ITIH3: variants seen among roughly 807,000 people sequenced by gnomAD.
ITIH3 encodes the protein inter-alpha-trypsin inhibitor heavy chain 3.
Under a neutral mutation model 96.5 loss-of-function variants are expected in ITIH3, and 81 were observed. The ratio of observed to expected loss-of-function variants is 0.84; its 90% CI spans 0.70 to 1.01. The LOEUF is 1.01. Among genes scored for constraint, ITIH3 ranks in the 50% least tolerant of loss-of-function variants. ITIH3 has a pLI of 0.00. For synonymous variants in ITIH3, 422 were observed against 445.2 expected, an observed-to-expected ratio of 0.95 and a Z score of 0.66; for missense variants, 1,057 against 1,139.3, an observed-to-expected ratio of 0.93 and a Z score of 1.04.
Position 52,803,884 on chromosome 3 carries a change from A to G in ITIH3, c.1739A>G (p.Asn580Ser). 1 of 1,613,952 alleles carries G rather than the reference A, an allele frequency of 6.2e-7. No homozygotes were observed. Among genetic ancestry groups the G allele is most frequent in the Non-Finnish European group, 8.5e-7 (1 of 1,179,870 alleles). Residue 580 changes from asparagine (N) to serine (S), a missense_variant, in exon 14 of 22, where the codon AAC (asparagine) becomes AGC (serine). By Grantham distance (46) the Asn-to-Ser change is conservative. Coordinates refer to ENST00000449956, the MANE Select transcript of ITIH3 (RefSeq NM_002217.4). ...RKNAHGEEKE[N>S]LTARALDLSL... Reference sequence around the variant, plus strand: ...AACGCCCATGGCGAGGAGAAGGAGAACCTCACGGCCCGGGCCCTGGACCTG... The same window carrying G: ...AACGCCCATGGCGAGGAGAAGGAGAGCCTCACGGCCCGGGCCCTGGACCTG...
intron 7 of ITIH3, 122 bp from the exon 8 acceptor site, chr3:52,799,249 CT>C: frequency 7.6e-6 from 9 of 1,180,598 alleles, no homozygotes; most frequent in Non-Finnish European, 9.6e-6. Flanking sequence ...GCAGCACCCC[CT>C]AGAGGGTGGG....
In ITIH3 at chr3:52,802,448, G is replaced by C; in HGVS notation, c.1498G>C (p.Glu500Gln). 6.2e-7 allele frequency: 1 copy of C among 1,613,996 alleles called. No homozygotes were observed. The highest frequency in any genetic ancestry group is 1.1e-5 in the South Asian group (1 of 91,080). Residue 500 changes from glutamate to glutamine, a missense_variant, in exon 12 of 22, where the codon GAG becomes CAG. Physicochemically the swap from Glu to Gln is conservative, Grantham distance 29. Transcript: ENST00000449956. ...TTACCAGCACTTCTACGATGGCTCT[G>C]AGATCGTGGTGGCCGGGCGCCTGGT... Reference protein sequence around the residue: ...NTYQHFYDGSEIVVAGRLVDE... With the variant: ...NTYQHFYDGSQIVVAGRLVDE...
intron 11 of ITIH3, 133 bp from the exon 12 acceptor site, chr3:52,802,201 G>A (rs740920): frequency 0.047 from 41,612 of 888,128 alleles, 1,178 homozygotes; most frequent in Non-Finnish European, 0.056. Context: ...ACTGAAGGAC[G>A]CAGTCAGGGA....
At chr3:52,798,237 A>G (rs1699671751) in intron 6 of ITIH3, among the ~76,000 whole-genome samples, 1 of 152,216 alleles carries the variant, frequency 6.6e-6, no homozygotes, top group Non-Finnish European at 1.5e-5. Flanking sequence ...CTGAAGCCCA[A>G]GGGAGTCATT....
At chr3:52,795,955 A>G in intron 2 of ITIH3, 2 of 333,154 alleles carry the variant, frequency 6.0e-6, no homozygotes, top group Non-Finnish European at 1.1e-5. Context: ...CCCTAGGGGG[A>G]GGGGGCTGGA....
In ITIH3 at chr3:52,803,897, G is replaced by A; in HGVS notation, c.1752G>A (p.Arg584=). ...HGEEKENLTA[R]ALDLSLKYHF... ...AGGAGAAGGAGAACCTCACGGCCCGGGCCCTGGACCTGTCCCTCAAGTATC... is the reference window on the plus strand; with the variant it reads ...AGGAGAAGGAGAACCTCACGGCCCGAGCCCTGGACCTGTCCCTCAAGTATC... The change falls in exon 14 of 22, where the codon CGG becomes CGA. Residue 584 remains arginine (R), a synonymous_variant. Coordinates refer to ENST00000449956, the MANE Select transcript of ITIH3 (RefSeq NM_002217.4). 6.2e-7 allele frequency: 1 copy of A among 1,614,024 alleles called. No homozygotes were observed.
rs1699604893 is a variant in ITIH3, at chr3:52,796,818, C to T, written c.361C>T (p.Gln121Ter). The change falls in exon 4 of 22, where the codon CAG becomes TAG. Residue 121 changes from glutamine to a stop codon, truncating the protein, a stop_gained. Transcript: ENST00000449956. LOFTEE classifies it high-confidence loss of function. ...GAAGCAGTATGAAAAGGCTGTGTCC[C>T]AGGGCAAGACGGCCGGCTTGGTCAA... Reference protein sequence around the residue: ...AKKQYEKAVSQGKTAGLVKAS... With the variant: ...AKKQYEKAVS 1.9e-6 allele frequency: 3 copies of T among 1,611,128 alleles called. No homozygotes were observed. Among genetic ancestry groups the T allele is most frequent in the Non-Finnish European group, 2.5e-6 (3 of 1,178,770 alleles).
intron 2 of ITIH3, chr3:52,795,940 T>C (rs542372423): frequency 2.6e-6 from 1 of 380,014 alleles, no homozygotes; most frequent in South Asian, 5.2e-5. Flanking sequence ...GAAGCATCTT[T>C]ATATCCCTAG....
chr3:52,801,277 T>G, intron 11 of ITIH3, 131 bp downstream of exon 11: 83 of 741,488 alleles, frequency 1.1e-4, no homozygotes, highest in Non-Finnish European at 1.5e-4. Flanking sequence ...TGACTATCTC[T>G]TACCCATCAG....
rs745489214 is a variant in ITIH3, at chr3:52,807,808, G to A, written c.2323G>A (p.Val775Met). The change falls in exon 20 of 22, where the codon GTG becomes ATG. Residue 775 changes from valine to methionine, a missense_variant. Physicochemically the swap from Val to Met is conservative, Grantham distance 21. Transcript: ENST00000449956. ...CTCCTTTGGAGATGGGGTTACCTTC[G>A]TGGTCGTCCTACACCAGGTGTGGAA... ...VVSFGDGVTF[V>M]VVLHQVWKKH... The A allele has an allele frequency of 4.5e-5, 73 of 1,612,200 alleles. No individual in the cohort carries two copies. Among genetic ancestry groups the A allele is most frequent in the South Asian group, 4.4e-4 (40 of 90,552 alleles).
intron 18 of ITIH3, 139 bp from the exon 19 acceptor site, chr3:52,806,762 T>G (rs1023723327): frequency 1.7e-5 from 12 of 700,616 alleles, no homozygotes; most frequent in Non-Finnish European, 2.5e-5. Flanking sequence ...AGGCTTGGGC[T>G]CTGAAGTCCT....
rs762645645 is a variant in ITIH3 at position 52,808,593 on chromosome 3, C to G, written c.2585C>G (p.Thr862Arg). ...TACAGAAAGGATGCCAGCATCGGCA[C>G]GAAGGTTGTCTGCTGGTTCGTCCAC... ...KDYRKDASIG[T>R]KVVCWFVHNN... The change falls in exon 22 of 22, where the codon ACG becomes AGG. Residue 862 changes from threonine (T) to arginine (R), a missense_variant. By Grantham distance (71) the Thr-to-Arg change is moderately conservative (BLOSUM62 -1). Transcript: ENST00000449956. 1.2e-6 allele frequency: 2 copies of G among 1,613,878 alleles called. No homozygotes were observed. Among genetic ancestry groups the G allele is most frequent in the Non-Finnish European group, 1.7e-6 (2 of 1,179,900 alleles).
Position 52,805,494 on chromosome 3 carries a change from A to AGCCCAGGGGTGGGGC in ITIH3, c.1874-313_1874-299dup, listed in dbSNP as rs1458903723. ...CACTCACCCCAACTAGGGGGTGGGAAGCCCAGGGGTGGGGCAGATGTTTGC... is the reference window on the plus strand; with the variant it reads ...CACTCACCCCAACTAGGGGGTGGGAAGCCCAGGGGTGGGGCGCCCAGGGGTGGGGCAGATGTTTGC... On this transcript the variant is annotated intron_variant, in intron 15 of 21. Transcript: ENST00000449956. 1.0e-5 allele frequency: 12 copies of AGCCCAGGGGTGGGGC among 1,155,100 alleles called. No homozygotes were observed. In the African/African-American group the frequency reaches 1.6e-4, roughly 15 times the overall value. 71.6% of individuals were successfully genotyped at this position (1,155,100 alleles called of 1,614,324 possible).
chr3:52,806,882 T>C lies in ITIH3; in HGVS notation c.2057-19T>C. 1.3e-6 allele frequency: 2 copies of C among 1,563,408 alleles called. No individual in the cohort carries two copies. Among genetic ancestry groups the C allele is most frequent in the African/African-American group, 1.4e-5 (1 of 73,656 alleles). On this transcript the variant is annotated intron_variant, in intron 18 of 21. Transcript: ENST00000449956. Reference sequence around the variant, plus strand: ...AGAAGTTCTCGCTGGTCTCTCTCCCTGCCCCATCCCTCTGGCAGGCCTCAC... The same window carrying C: ...AGAAGTTCTCGCTGGTCTCTCTCCCCGCCCCATCCCTCTGGCAGGCCTCAC...
chr3:52,801,274 C>T, intron 11 of ITIH3, 128 bp downstream of exon 11: 4 of 780,932 alleles, frequency 5.1e-6, no homozygotes, highest in Non-Finnish European at 7.7e-6. Flanking sequence ...CTCTGACTAT[C>T]TCTTACCCAT....
intron 14 of ITIH3, 49 bp downstream of exon 14, chr3:52,804,058 A>G: frequency 6.3e-7 from 1 of 1,579,400 alleles, no homozygotes; most frequent in South Asian, 1.2e-5. Context: ...TGTGCTGGGC[A>G]CCCTACCTGG....
At chr3:52,795,538 G>C in intron 1 of ITIH3, 65 bp from the exon 2 acceptor site, 1 of 1,553,750 alleles carries the variant, frequency 6.4e-7, no homozygotes, top group Non-Finnish European at 8.7e-7. Flanking sequence ...AGCCTCCCAG[G>C]CCATGCGGCC....
At chr3:52,806,232 G>A (rs2154110447) in intron 17 of ITIH3, 61 bp from the exon 18 acceptor site, 3 of 1,600,024 alleles carry the variant, frequency 1.9e-6, no homozygotes, top group East Asian at 4.5e-5. Flanking sequence ...AGAAGGCTGG[G>A]GGAGGCCCCA....
At chr3:52,806,479 AG>A in intron 18 of ITIH3, 73 bp downstream of exon 18, 14 of 1,142,108 alleles carry the variant, frequency 1.2e-5, no homozygotes, top group Non-Finnish European at 1.8e-5. Context: ...AGGTAGGCAC[AG>A]GGAACAGGTT....
Sources: gnomAD v4.1 joint callset for allele counts (sites outside exome capture counted in the v4.1 genomes callset) on GRCh38, gnomAD v4.1.1 for gene constraint, MANE v1.5 for transcripts, NCBI Gene and HGNC (gene_info 2026-07-23, HGNC 2026-07-21) for gene names.